Variants in RASGRP3 observed in about 807,000 individuals in gnomAD.
RASGRP3 encodes ras guanyl-releasing protein 3.
A neutral mutation model predicts 82.7 loss-of-function variants in RASGRP3; 54 were observed. The ratio of observed to expected loss-of-function variants is 0.65; its 90% CI spans 0.52 to 0.82. The LOEUF (loss-of-function observed/expected upper bound fraction) is 0.82, where lower values mean the gene tolerates loss of function less well. RASGRP3 is among the 40% of genes least tolerant of loss of function. The pLI is 0.00. For missense variants in RASGRP3, 861 were observed against 828.9 expected (o/e 1.04, Z -0.48); for synonymous variants, 309 against 300.5 (o/e 1.03, Z -0.29).
chr2:33,500,815 TC>T (rs1355629355), intron 1 of RASGRP3, among the ~76,000 whole-genome samples: 1 of 152,096 alleles, frequency 6.6e-6, no homozygotes, highest in East Asian at 1.9e-4. Flanking sequence ...GCACCTGTAA[TC>T]CCAGCTACTC....
upstream of RASGRP3, among the ~76,000 whole-genome samples, chr2:33,475,488 A>G (rs1667302727): frequency 6.6e-6 from 1 of 152,250 alleles, no homozygotes; most frequent in Non-Finnish European, 1.5e-5. Context: ...ATAGTTTAAC[A>G]GGCACATTAT....
intron 2 of RASGRP3, among the ~76,000 whole-genome samples, chr2:33,469,437 G>A (rs933055670): frequency 1.3e-5 from 2 of 150,514 alleles, no homozygotes; most frequent in Non-Finnish European, 3.0e-5. Context: ...AACCAATCAT[G>A]TGATTCTCTT....
At chr2:33,464,065 C>G in intron 2 of RASGRP3, among the ~76,000 whole-genome samples, 1 of 149,362 alleles carries the variant, frequency 6.7e-6, no homozygotes, top group East Asian at 1.9e-4. Flanking sequence ...CACTTCATTT[C>G]TCATTTTAGT....
chr2:33,517,511 C>T (rs1364064556), intron 4 of RASGRP3, among the ~76,000 whole-genome samples: 1 of 152,216 alleles, frequency 6.6e-6, no homozygotes, highest in Non-Finnish European at 1.5e-5. Flanking sequence ...GCCAAGGCTT[C>T]TGGAGCCAGT....
chr2:33,453,797 G>A (rs1350962281), intron 2 of RASGRP3, among the ~76,000 whole-genome samples: 1 of 152,138 alleles, frequency 6.6e-6, no homozygotes, highest in African/African-American at 2.4e-5. Context: ...AATTAAAATT[G>A]ATCTTATTTT....
Position 33,558,349 on chromosome 2 carries a change from GCTTTCTTTGCTGCCATGGTCT to G in RASGRP3, c.1705+20_1705+40del. 6.2e-7 allele frequency: 1 copy of G among 1,612,718 alleles called. No homozygotes were observed. Among genetic ancestry groups the G allele is most frequent in the Non-Finnish European group, 8.5e-7 (1 of 1,179,854 alleles). The stretch of plus-strand genomic sequence containing the variant: ...TCGCTGCCCCCAGGTAATGCCCTCT[GCTTTCTTTGCTGCCATGGTCT>G]CTTTCTGCTTGCCTCCTCACACTTG... On this transcript the variant is annotated intron_variant, in intron 16 of 17. Coordinates refer to ENST00000403687, the MANE Select transcript of RASGRP3 (RefSeq NM_001139488.2).
intron 1 of RASGRP3, among the ~76,000 whole-genome samples, chr2:33,478,142 G>A (rs76452595): frequency 0.01 from 1,522 of 152,200 alleles, 17 homozygotes; most frequent in African/African-American, 0.034. Flanking sequence ...CTTGAGTACC[G>A]CACCAACCAA....
chr2:33,535,209 G>A (rs4561642), intron 11 of RASGRP3, among the ~76,000 whole-genome samples: 119,178 of 152,170 alleles, frequency 0.78, 46,676 homozygotes, highest in Admixed American at 0.83. Flanking sequence ...ATAGATGGCA[G>A]ACGCTTAGTA....
intron 1 of RASGRP3, among the ~76,000 whole-genome samples, chr2:33,501,227 A>G (rs1050872477): frequency 6.6e-6 from 1 of 152,242 alleles, no homozygotes. Context: ...TTCAAGGTTT[A>G]TCTATATTGC....
chr2:33,534,765 G>A (rs546216792), intron 11 of RASGRP3, among the ~76,000 whole-genome samples: 9 of 146,042 alleles, frequency 6.2e-5, no homozygotes, highest in African/African-American at 2.3e-4. Flanking sequence ...GGCTGGTCTC[G>A]AACTACTGAC....
In RASGRP3 at chr2:33,543,526, C is replaced by A; in HGVS notation, c.1293C>A (p.Asn431Lys). Residue 431 changes from asparagine to lysine, a missense_variant, in exon 13 of 18, where the codon AAC becomes AAA. By Grantham distance (94) the Asn-to-Lys change is moderately conservative. Transcript: ENST00000403687. ...TTCCTTTGCAGTCTGTATTTAGAAACTATGATCACGACCATGATGGGTACA... is the reference window on the plus strand; with the variant it reads ...TTCCTTTGCAGTCTGTATTTAGAAAATATGATCACGACCATGATGGGTACA... ...IRKLVESVFR[N>K]YDHDHDGYIS... The A allele has an allele frequency of 6.2e-7, 1 of 1,603,150 alleles. No homozygotes were observed. The highest frequency in any genetic ancestry group is 8.5e-7 in the Non-Finnish European group (1 of 1,171,416).
At chr2:33,469,986 T>C (rs1458510622) in intron 2 of RASGRP3, among the ~76,000 whole-genome samples, 1 of 152,250 alleles carries the variant, frequency 6.6e-6, no homozygotes, top group Non-Finnish European at 1.5e-5. Context: ...GTTCCATTGC[T>C]CTAGTTCTTT....
At chr2:33,537,328 C>CACACA (rs61435746) in intron 11 of RASGRP3, among the ~76,000 whole-genome samples, 19 of 66,424 alleles carry the variant, frequency 2.9e-4, no homozygotes, top group African/African-American at 1.5e-3. Context: ...ACACCGCCCC[C>CACACA]CCCACACACA....
At chr2:33,453,717 A>G (rs373738270) in intron 2 of RASGRP3, among the ~76,000 whole-genome samples, 1 of 152,218 alleles carries the variant, frequency 6.6e-6, no homozygotes, top group African/African-American at 2.4e-5. Flanking sequence ...ACATGAGGAT[A>G]TGTAAGGATC....
intron 2 of RASGRP3, among the ~76,000 whole-genome samples, chr2:33,448,294 T>C (rs1049968736): frequency 6.6e-6 from 1 of 152,206 alleles, no homozygotes; most frequent in Non-Finnish European, 1.5e-5. Flanking sequence ...AACCTAATTA[T>C]AAATTCCTTC....
intron 1 of RASGRP3, among the ~76,000 whole-genome samples, chr2:33,444,281 G>A (rs760039784): frequency 6.6e-5 from 10 of 152,314 alleles, no homozygotes; most frequent in Middle Eastern, 6.8e-3. Context: ...CTGCACTCCA[G>A]CATGGGCAAC....
intron 2 of RASGRP3, among the ~76,000 whole-genome samples, chr2:33,450,624 A>G (rs1371631509): frequency 2.6e-5 from 4 of 151,966 alleles, no homozygotes; most frequent in Non-Finnish European, 5.9e-5. Context: ...TCAACTGTCA[A>G]TGGATGCTTA....
intron 4 of RASGRP3, among the ~76,000 whole-genome samples, chr2:33,519,171 T>A (rs557396279): frequency 1.3e-5 from 2 of 152,328 alleles, no homozygotes; most frequent in African/African-American, 4.8e-5. Context: ...TTATGCTGGC[T>A]ACCATGTCAC....
intron 1 of RASGRP3, among the ~76,000 whole-genome samples, chr2:33,440,287 C>T (rs1358412482): frequency 6.6e-6 from 1 of 152,204 alleles, no homozygotes; most frequent in Non-Finnish European, 1.5e-5. Context: ...CCATTATCTC[C>T]TTCTGCCTCT....
Sources: allele counts gnomAD v4.1 joint callset (sites outside exome capture counted in the v4.1 genomes callset), GRCh38; gene constraint gnomAD v4.1.1; transcripts MANE v1.5; gene names NCBI Gene and HGNC (gene_info 2026-07-23, HGNC 2026-07-21).